The following CNRIP1 variants were observed in gnomAD, a reference collection of about 807,000 sequenced individuals.
CNRIP1 encodes the protein CB1 cannabinoid receptor-interacting protein 1.
A neutral mutation model predicts 15.2 loss-of-function variants in CNRIP1; 10 were observed. That is an observed-to-expected ratio of 0.66 (90% CI 0.41 to 1.12). The LOEUF (loss-of-function observed/expected upper bound fraction) is 1.12, where lower values mean the gene tolerates loss of function less well. CNRIP1 is among the 50% of genes most tolerant of loss of function. The pLI is 0.00. For synonymous variants in CNRIP1, 91 were observed against 83.2 expected (o/e 1.09, Z -0.51); for missense variants, 211 against 214.7 (o/e 0.98, Z 0.11).
chr2:68,290,293 G>C (rs1671135591), downstream of CNRIP1, among the ~76,000 whole-genome samples: 2 of 152,126 alleles, frequency 1.3e-5, no homozygotes, highest in Non-Finnish European at 2.9e-5. Context: ...TTCCCAAAGT[G>C]CTGGGATTAC....
chr2:68,294,162 G>A (rs1050059673), intron 2 of CNRIP1, 136 bp from the exon 3 acceptor site: 15 of 872,340 alleles, frequency 1.7e-5, no homozygotes, highest in Non-Finnish European at 2.6e-5. Context: ...AGGCTCGGAA[G>A]GCTTTCCTTT....
Position 68,305,294 on chromosome 2 carries a change from G to GTA in CNRIP1, c.331-11269_331-11268insTA, listed in dbSNP as rs1286093000. ...TATATATGTGTGTGTGTGTGTGTGTGTGTGTGTGTGTGTGTGTGTACATAT... is the reference window on the plus strand; with the variant it reads ...TATATATGTGTGTGTGTGTGTGTGTGTATGTGTGTGTGTGTGTGTGTACATAT... On this transcript the variant is annotated intron_variant, in intron 2 of 2. Transcript: ENST00000263655. 7.7e-4 allele frequency among the ~76,000 whole-genome samples: 113 copies of GTA among 146,422 alleles called. No homozygotes were observed. The Middle Eastern group carries it at 0.018, about 23-fold the overall frequency.
At chr2:68,302,908 G>A (rs1387032435) in intron 2 of CNRIP1, among the ~76,000 whole-genome samples, 1 of 143,856 alleles carries the variant, frequency 7.0e-6, no homozygotes, top group Non-Finnish European at 1.5e-5. Context: ...GTGCAGTGGT[G>A]CGATCTCGGC....
intron 2 of CNRIP1, among the ~76,000 whole-genome samples, chr2:68,302,790 C>T (rs1432664598): frequency 6.6e-6 from 1 of 151,230 alleles, no homozygotes; most frequent in Non-Finnish European, 1.5e-5. Flanking sequence ...AGAACAGTAA[C>T]GTTTCCCCCA....
chr2:68,291,827 C>A (rs1671179951), downstream of CNRIP1, among the ~76,000 whole-genome samples: 1 of 133,680 alleles, frequency 7.5e-6, no homozygotes, highest in African/African-American at 2.9e-5. Context: ...TGCAGTGAGA[C>A]AAGATCATGC....
intron 2 of CNRIP1, among the ~76,000 whole-genome samples, chr2:68,286,458 A>G (rs10190978): frequency 0.026 from 3,896 of 152,300 alleles, 175 homozygotes; most frequent in African/African-American, 0.087. Flanking sequence ...TTAGTATTTT[A>G]AAATATATGT....
At chr2:68,309,529 G>A (rs116795982) in intron 2 of CNRIP1, among the ~76,000 whole-genome samples, 3,525 of 152,252 alleles carry the variant, frequency 0.023, 129 homozygotes, top group African/African-American at 0.075. Context: ...CAAAATTTAA[G>A]ACTGCAAAGG....
chr2:68,319,327 T>C lies in CNRIP1; in HGVS notation c.74A>G (p.Tyr25Cys), dbSNP rs375988431. The part of the protein sequence containing the change: ...RIQPNDGPVF[Y>C]KVDGQRFGQN... ...GCCGAAGCGCTGCCCGTCCACCTTG[T>C]AAAAGACCGGGCCGTCATTAGGCTG... The change falls in exon 1 of 3, where the codon TAC (tyrosine) becomes TGC (cysteine). Residue 25 changes from tyrosine (Y) to cysteine (C), a missense_variant. Tyr to Cys is a radical substitution (Grantham distance 194). Transcript: ENST00000263655. 5.0e-5 allele frequency: 79 copies of C among 1,567,404 alleles called. No homozygotes were observed. Among genetic ancestry groups the C allele is most frequent in the Non-Finnish European group, 6.3e-5 (73 of 1,155,944 alleles).
At chr2:68,289,503 CAG>C (rs989153495), downstream of CNRIP1, among the ~76,000 whole-genome samples, 4 of 151,114 alleles carry the variant, frequency 2.6e-5, no homozygotes, top group South Asian at 6.3e-4. Context: ...TTTTTTGAGA[CAG>C]AGTCTTGCTG....
At chr2:68,305,351 TAG>T (rs1671794886) in intron 2 of CNRIP1, among the ~76,000 whole-genome samples, 1 of 149,938 alleles carries the variant, frequency 6.7e-6, no homozygotes, top group African/African-American at 2.4e-5. Flanking sequence ...TAAATATATA[TAG>T]ACACCACACT....
chr2:68,294,094 T>C lies in CNRIP1; in HGVS notation c.331-68A>G, dbSNP rs1001680217. The C allele has an allele frequency of 6.7e-6, 10 of 1,488,106 alleles. No individual in the cohort carries two copies. In the Admixed American group the frequency reaches 1.2e-4, roughly 19 times the overall value. 92.2% of individuals were successfully genotyped at this position (1,488,106 alleles called of 1,614,324 possible). ...CACGAGCAATAGATGAGAGCTAACA[T>C]TAGTGATGTAGCTCCTGGATAATCA... On this transcript the variant is annotated intron_variant, in intron 2 of 2. Transcript: ENST00000263655.
intron 2 of CNRIP1, among the ~76,000 whole-genome samples, chr2:68,295,125 C>G (rs1272983569): frequency 6.6e-6 from 1 of 152,138 alleles, no homozygotes; most frequent in African/African-American, 2.4e-5. Flanking sequence ...TGGGAGGGGA[C>G]AGGGACTGAC....
intron 1 of CNRIP1, 57 bp from the exon 2 acceptor site, chr2:68,317,364 T>A: frequency 6.3e-7 from 1 of 1,579,728 alleles, no homozygotes; most frequent in Non-Finnish European, 8.6e-7. Flanking sequence ...CACCCTGTCC[T>A]GTTTTGGACC....
intron 2 of CNRIP1, among the ~76,000 whole-genome samples, chr2:68,298,715 C>T (rs373875877): frequency 1.4e-4 from 21 of 152,314 alleles, no homozygotes; most frequent in Admixed American, 8.5e-4. Flanking sequence ...TTCCTCTCCC[C>T]GATGCCTTAG....
At chr2:68,300,946 C>T (rs1417199087) in intron 2 of CNRIP1, among the ~76,000 whole-genome samples, 2 of 152,162 alleles carry the variant, frequency 1.3e-5, no homozygotes, top group Non-Finnish European at 2.9e-5. Context: ...ATCTCTCAGG[C>T]CCAAATGGCT....
chr2:68,285,703 C>CAGA (rs1293864537), intron 2 of CNRIP1, among the ~76,000 whole-genome samples: 1 of 140,038 alleles, frequency 7.1e-6, no homozygotes, highest in Non-Finnish European at 1.6e-5. Context: ...GAAAGAAAGG[C>CAGA]AGAACCTTTA....
downstream of CNRIP1, among the ~76,000 whole-genome samples, chr2:68,289,980 C>A (rs1171618586): frequency 1.3e-5 from 2 of 150,122 alleles, no homozygotes; most frequent in African/African-American, 4.9e-5. Flanking sequence ...TAATAAACAG[C>A]TGAGCTGGGA....
intron 2 of CNRIP1, among the ~76,000 whole-genome samples, chr2:68,311,650 C>G (rs2103679777): frequency 6.6e-6 from 1 of 151,742 alleles, no homozygotes; most frequent in Non-Finnish European, 1.5e-5. Flanking sequence ...TGGTGCGCAC[C>G]TGTAATCCCA....
At chr2:68,308,505 TTTCTAGTC>T (rs1671951625) in intron 2 of CNRIP1, among the ~76,000 whole-genome samples, 1 of 152,114 alleles carries the variant, frequency 6.6e-6, no homozygotes, top group Non-Finnish European at 1.5e-5. Context: ...CAAGTTAACT[TTTCTAGTC>T]TATTTTGATT....
Sources: allele counts gnomAD v4.1 joint callset (sites outside exome capture counted in the v4.1 genomes callset), GRCh38; gene constraint gnomAD v4.1.1; transcripts MANE v1.5; gene names NCBI Gene and HGNC (gene_info 2026-07-23, HGNC 2026-07-21).